Variants in KANSL1 observed in about 807,000 individuals in gnomAD.
KANSL1 encodes the protein KAT8 regulatory NSL complex subunit 1.
KANSL1 carries 22 observed loss-of-function variants against 103.6 expected under a neutral mutation model. The observed-to-expected ratio is 0.21, with a 90% confidence interval of 0.15 to 0.30. The LOEUF (loss-of-function observed/expected upper bound fraction) is 0.30. KANSL1 is among the 10% of genes least tolerant of loss of function. The pLI, the probability that KANSL1 is intolerant of heterozygous loss-of-function variation, is 1.00. For missense variants in KANSL1, 1,337 were observed against 1,399.8 expected (o/e 0.96, Z 0.72); for synonymous variants, 600 against 527.6 (o/e 1.14, Z -1.88).
intron 7 of KANSL1, chr17:46,043,771 T>C (rs2077407109): frequency 6.6e-6 from 1 of 152,212 alleles, no homozygotes; most frequent in African/African-American, 2.4e-5. Flanking sequence ...TAAATGCTCT[T>C]AAGTGCAAGT....
At chr17:46,181,688 T>C (rs1189999418) in intron 1 of KANSL1, among the ~76,000 whole-genome samples, 1 of 152,190 alleles carries the variant, frequency 6.6e-6, no homozygotes. Context: ...CGCCTCGGCC[T>C]CCCAAAGTGC....
intron 2 of KANSL1, among the ~76,000 whole-genome samples, chr17:46,107,727 T>C (rs1423326405): frequency 2.0e-5 from 3 of 152,316 alleles, no homozygotes; most frequent in Non-Finnish European, 2.9e-5. Flanking sequence ...ACACTTCTAT[T>C]TGAATGTCTA....
At chr17:46,058,297 T>C (rs2078002440) in intron 6 of KANSL1, among the ~76,000 whole-genome samples, 1 of 152,208 alleles carries the variant, frequency 6.6e-6, no homozygotes, top group African/African-American at 2.4e-5. Context: ...AACACAAGCC[T>C]GAGAGGCTTT....
At chr17:46,071,865 T>A (rs189444347) in intron 4 of KANSL1, among the ~76,000 whole-genome samples, 18 of 152,228 alleles carry the variant, frequency 1.2e-4, no homozygotes, top group Admixed American at 2.6e-4. Flanking sequence ...AAAGCTAAAG[T>A]GGTAGACAGA....
chr17:46,220,507 C>T (rs1024331955), intron 1 of KANSL1, among the ~76,000 whole-genome samples: 57 of 152,190 alleles, frequency 3.7e-4, no homozygotes, highest in African/African-American at 1.3e-3. Flanking sequence ...TGAGCCACTG[C>T]GCCCAGCTAA....
chr17:46,038,875 G>A (rs2077228295), intron 9 of KANSL1, 152 bp downstream of exon 9: 2 of 1,131,708 alleles, frequency 1.8e-6, no homozygotes, highest in Admixed American at 2.3e-5. Flanking sequence ...CAGTTAAGAA[G>A]TGACCTCCAT....
intron 7 of KANSL1, chr17:46,041,133 A>G (rs2077299114): frequency 6.6e-6 from 1 of 152,252 alleles, no homozygotes; most frequent in Non-Finnish European, 1.5e-5. Flanking sequence ...ATAGAAGTAC[A>G]ATAAACTGCT....
intron 1 of KANSL1, among the ~76,000 whole-genome samples, chr17:46,177,135 T>G (rs2046558917): frequency 6.6e-6 from 1 of 152,234 alleles, no homozygotes. Flanking sequence ...TACTTAACTA[T>G]TCTGTTCTTT....
intron 1 of KANSL1, among the ~76,000 whole-genome samples, chr17:46,186,531 A>C (rs2047043978): frequency 1.3e-5 from 2 of 152,224 alleles, no homozygotes; most frequent in Non-Finnish European, 2.9e-5. Context: ...AATGCCAATA[A>C]AATGTTAAGT....
At chr17:46,199,403 A>G (rs2047721069) in intron 1 of KANSL1, among the ~76,000 whole-genome samples, 1 of 152,258 alleles carries the variant, frequency 6.6e-6, no homozygotes, top group South Asian at 2.1e-4. Flanking sequence ...ACTGATTACA[A>G]TGACTACAAA....
At chr17:46,139,296 C>CCA (rs1555563205) in intron 2 of KANSL1, among the ~76,000 whole-genome samples, 2,718 of 139,086 alleles carry the variant, frequency 0.02, 2 homozygotes, top group Non-Finnish European at 0.03. Flanking sequence ...TTTCATAGGC[C>CCA]AAAAAAAAAA....
chr17:46,174,566 T>A (rs1229456004), intron 1 of KANSL1, among the ~76,000 whole-genome samples: 1 of 152,284 alleles, frequency 6.6e-6, no homozygotes, highest in Non-Finnish European at 1.5e-5. Context: ...GCATATAATG[T>A]AATGTGTAAC....
At chr17:46,150,843 G>A (rs925307696) in intron 2 of KANSL1, among the ~76,000 whole-genome samples, 13 of 150,244 alleles carry the variant, frequency 8.7e-5, no homozygotes, top group East Asian at 2.0e-4. Flanking sequence ...TAGGAATAAC[G>A]ACTACAGTAA....
At chr17:46,047,500 G>C (rs905380717) in intron 7 of KANSL1, among the ~76,000 whole-genome samples, 1 of 152,060 alleles carries the variant, frequency 6.6e-6, no homozygotes, top group Non-Finnish European at 1.5e-5. Context: ...TGAAGAAAAA[G>C]TTCAGGCCGG....
At chr17:46,170,164 A>C (rs1021998066) in intron 2 of KANSL1, 5 of 151,886 alleles carry the variant, frequency 3.3e-5, no homozygotes, top group Non-Finnish European at 5.9e-5. Context: ...AAACAAAACA[A>C]AAAACAACAA....
At chr17:46,073,454 A>G (rs2078649323) in intron 4 of KANSL1, among the ~76,000 whole-genome samples, 1 of 152,184 alleles carries the variant, frequency 6.6e-6, no homozygotes, top group Non-Finnish European at 1.5e-5. Context: ...TTTATCCAAG[A>G]AGGAGATTTT....
chr17:46,096,264 C>T (rs2042059408), intron 2 of KANSL1, among the ~76,000 whole-genome samples: 1 of 148,866 alleles, frequency 6.7e-6, no homozygotes, highest in East Asian at 2.0e-4. Context: ...ACCTCAGTCT[C>T]CCAAGCAGCT....
chr17:46,162,191 T>A (rs1195960125), intron 2 of KANSL1, among the ~76,000 whole-genome samples: 1 of 152,234 alleles, frequency 6.6e-6, no homozygotes, highest in Non-Finnish European at 1.5e-5. Flanking sequence ...AATAGAAAAT[T>A]GGAGAAAGAT....
At chr17:46,118,194 G>A (rs1411823367) in intron 2 of KANSL1, among the ~76,000 whole-genome samples, 2 of 152,190 alleles carry the variant, frequency 1.3e-5, no homozygotes, top group African/African-American at 4.8e-5. Context: ...TGTTCCCGAC[G>A]TTAGTTTTAT....
Sources: allele counts gnomAD v4.1 joint callset (sites outside exome capture counted in the v4.1 genomes callset), GRCh38; gene constraint gnomAD v4.1.1; transcripts MANE v1.5; gene names NCBI Gene and HGNC (gene_info 2026-07-23, HGNC 2026-07-21).